The following RAP1GDS1 variants were observed in gnomAD, a reference collection of about 807,000 sequenced individuals.
RAP1GDS1 encodes the protein RAP1, GTP-GDP dissociation stimulator 1.
RAP1GDS1 carries 35 observed loss-of-function variants against 71.1 expected under a neutral mutation model. The ratio of observed to expected loss-of-function variants is 0.49; its 90% confidence interval spans 0.38 to 0.65. The LOEUF (loss-of-function observed/expected upper bound fraction) is 0.65, where lower values mean the gene tolerates loss of function less well. Ranked by LOEUF, RAP1GDS1 falls within the 30% of genes least tolerant of loss-of-function variation. RAP1GDS1 has a pLI of 0.00. For missense variants in RAP1GDS1, 663 were observed against 706.1 expected, an observed-to-expected ratio of 0.94 and a Z score of 0.69; for synonymous variants, 229 against 243.1, an observed-to-expected ratio of 0.94 and a Z score of 0.54.
chr4:98,281,064 T>C (rs546606338), intron 1 of RAP1GDS1, among the ~76,000 whole-genome samples: 1 of 152,362 alleles, frequency 6.6e-6, no homozygotes, highest in East Asian at 1.9e-4. Context: ...GCTTTGTTCT[T>C]TTTGCATAGG....
chr4:98,391,901 T>G, intron 5 of RAP1GDS1, 51 bp from the exon 6 acceptor site: 2 of 1,495,660 alleles, frequency 1.3e-6, no homozygotes, highest in East Asian at 4.6e-5. Flanking sequence ...AATGTTCATT[T>G]GACATGTCAA....
At chr4:98,429,255 T>A (rs1750055587) in intron 12 of RAP1GDS1, among the ~76,000 whole-genome samples, 3 of 111,642 alleles carry the variant, frequency 2.7e-5, no homozygotes, top group Non-Finnish European at 1.7e-5. Flanking sequence ...AAGACGTGTC[T>A]CAAAAAAAAA....
intron 1 of RAP1GDS1, among the ~76,000 whole-genome samples, chr4:98,285,874 T>C (rs1194556735): frequency 6.9e-6 from 1 of 145,124 alleles, no homozygotes; most frequent in African/African-American, 2.6e-5. Context: ...ATTTAAATTA[T>C]AAATAATAAA....
intron 7 of RAP1GDS1, chr4:98,409,683 A>G: frequency 2.4e-6 from 1 of 416,478 alleles, no homozygotes; most frequent in Admixed American, 2.8e-5. Context: ...AGTCTGTTCC[A>G]CCTAGAGAAG....
chr4:98,267,891 GT>G (rs1474095045), intron 1 of RAP1GDS1, among the ~76,000 whole-genome samples: 1 of 152,152 alleles, frequency 6.6e-6, no homozygotes, highest in East Asian at 1.9e-4. Context: ...TCAAATGGTA[GT>G]TCTGTTTTAA....
chr4:98,292,822 T>C (rs1214322554), intron 1 of RAP1GDS1, among the ~76,000 whole-genome samples: 1 of 152,144 alleles, frequency 6.6e-6, no homozygotes, highest in Non-Finnish European at 1.5e-5. Flanking sequence ...GAATCTGTGA[T>C]CTAGAGGAAT....
intron 2 of RAP1GDS1, among the ~76,000 whole-genome samples, chr4:98,311,435 C>A (rs1179378092): frequency 6.6e-6 from 1 of 152,140 alleles, no homozygotes; most frequent in African/African-American, 2.4e-5. Flanking sequence ...CCTAGTTTGT[C>A]ATTTCCAAGA....
At chr4:98,313,068 CAAAAAAAAAAAAAAAAA>C (rs556945198) in intron 2 of RAP1GDS1, among the ~76,000 whole-genome samples, 11 of 38,184 alleles carry the variant, frequency 2.9e-4, no homozygotes, top group Admixed American at 2.0e-3. Flanking sequence ...GACTCTGTCT[CAAAAAAAAAAAAAAAAA>C]AAAAAAAAAA....
At chr4:98,428,262 A>G (rs6811171) in intron 12 of RAP1GDS1, among the ~76,000 whole-genome samples, 21,373 of 152,186 alleles carry the variant, frequency 0.14, 2,166 homozygotes, top group African/African-American at 0.28. Flanking sequence ...AGATAATATC[A>G]GAAAAAGCCC....
chr4:98,423,588 G>C (rs552835791), intron 12 of RAP1GDS1, among the ~76,000 whole-genome samples: 1 of 151,378 alleles, frequency 6.6e-6, no homozygotes, highest in African/African-American at 2.4e-5. Context: ...CTTGTTGCCC[G>C]GGCTGGAATG....
chr4:98,375,913 G>A (rs552812058), intron 4 of RAP1GDS1, among the ~76,000 whole-genome samples: 1 of 152,182 alleles, frequency 6.6e-6, no homozygotes, highest in African/African-American at 2.4e-5. Flanking sequence ...CACCCTTAGT[G>A]TATAACTTGT....
chr4:98,404,669 T>G, intron 7 of RAP1GDS1, 67 bp downstream of exon 7: 1 of 1,515,914 alleles, frequency 6.6e-7, no homozygotes, highest in Non-Finnish European at 8.9e-7. Context: ...CCTAATATTA[T>G]TTAATTGCCA....
chr4:98,294,194 T>C, intron 2 of RAP1GDS1, among the ~76,000 whole-genome samples: 1 of 152,096 alleles, frequency 6.6e-6, no homozygotes, highest in Non-Finnish European at 1.5e-5. Context: ...TTTCATTTGT[T>C]ATCTTAATTC....
chr4:98,379,199 G>GA (rs1741620345), intron 5 of RAP1GDS1, 36 bp downstream of exon 5: 2 of 1,505,602 alleles, frequency 1.3e-6, no homozygotes, highest in African/African-American at 2.9e-5. Flanking sequence ...ATCTCTGGGG[G>GA]AAAAATTAAA....
chr4:98,378,886 T>A (rs1290010463), intron 4 of RAP1GDS1, 131 bp from the exon 5 acceptor site: 1 of 866,254 alleles, frequency 1.2e-6, no homozygotes, highest in Non-Finnish European at 1.7e-6. Context: ...AAAAGACATA[T>A]TTAATGTCCT....
chr4:98,336,305 C>T (rs944804410), intron 2 of RAP1GDS1, among the ~76,000 whole-genome samples: 2 of 151,990 alleles, frequency 1.3e-5, no homozygotes, highest in Non-Finnish European at 2.9e-5. Flanking sequence ...TATTTTTTAA[C>T]CATGTAACTC....
chr4:98,295,895 A>C (rs1206580216), intron 2 of RAP1GDS1, among the ~76,000 whole-genome samples: 1 of 152,074 alleles, frequency 6.6e-6, no homozygotes, highest in Non-Finnish European at 1.5e-5. Context: ...AACAAGAAAA[A>C]GTAAAATATA....
At chr4:98,380,082 CAAA>C (rs79487127) in intron 5 of RAP1GDS1, among the ~76,000 whole-genome samples, 3 of 109,680 alleles carry the variant, frequency 2.7e-5, no homozygotes, top group Non-Finnish European at 6.2e-5. Context: ...CTCAATAATT[CAAA>C]AAAAAAAAAA....
At chr4:98,395,405 C>A (rs1043528005) in intron 6 of RAP1GDS1, among the ~76,000 whole-genome samples, 1 of 152,246 alleles carries the variant, frequency 6.6e-6, no homozygotes, top group East Asian at 1.9e-4. Flanking sequence ...TATATACTTG[C>A]TAACTGATGT....
Sources: allele counts gnomAD v4.1 joint callset (sites outside exome capture counted in the v4.1 genomes callset), GRCh38; gene constraint gnomAD v4.1.1; transcripts MANE v1.5; gene names NCBI Gene and HGNC (gene_info 2026-07-23, HGNC 2026-07-21).